Variants in VPS4A observed in about 807,000 individuals in gnomAD.
VPS4A encodes vacuolar protein sorting-associated protein 4A.
In VPS4A, 20 loss-of-function variants were observed where a neutral mutation model predicts 52.3. That is an observed-to-expected ratio of 0.38 (90% confidence interval 0.27 to 0.56). The LOEUF (loss-of-function observed/expected upper bound fraction) is 0.56. VPS4A is among the 20% of genes least tolerant of loss of function. The pLI, the probability that VPS4A is intolerant of heterozygous loss-of-function variation, is 0.72. For missense variants in VPS4A, 419 were observed against 575.9 expected, an observed-to-expected ratio of 0.73 and a Z score of 2.79; for synonymous variants, 293 against 227.7, an observed-to-expected ratio of 1.29 and a Z score of -2.58.
chr16:69,324,137 G>A (rs1965552720), intron 10 of VPS4A, 71 bp from the exon 11 acceptor site: 3 of 1,487,674 alleles, frequency 2.0e-6, no homozygotes, highest in South Asian at 1.2e-5. Context: ...AGCTGCGCCT[G>A]TTGTGTGCTG....
At chr16:69,318,242 G>C (rs1357360548) in intron 3 of VPS4A, among the ~76,000 whole-genome samples, 2 of 152,260 alleles carry the variant, frequency 1.3e-5, no homozygotes, top group Non-Finnish European at 2.9e-5. Flanking sequence ...CAGAGTGCTG[G>C]GATTACAGGG....
chr16:69,318,805 C>T lies in VPS4A; in HGVS notation c.344-18C>T, dbSNP rs757395754. On this transcript the variant is annotated intron_variant, in intron 4 of 10. Coordinates refer to ENST00000254950, the MANE Select transcript of VPS4A (RefSeq NM_013245.3). ...CCCCTTGGCCGGGCCCGGGCCCGGG[C>T]CGGCCTCCCTCTCGCAGGTGCCGTC... The T allele has an allele frequency of 1.2e-6, 2 of 1,611,616 alleles. No homozygotes were observed. Among genetic ancestry groups the T allele is most frequent in the East Asian group, 2.2e-5 (1 of 44,802 alleles).
intron 3 of VPS4A, among the ~76,000 whole-genome samples, chr16:69,316,871 G>T (rs1965443517): frequency 6.6e-6 from 1 of 152,260 alleles, no homozygotes; most frequent in African/African-American, 2.4e-5. Flanking sequence ...TGCCGAGGTG[G>T]CACAGGATGG....
intron 3 of VPS4A, among the ~76,000 whole-genome samples, chr16:69,318,372 C>T (rs1051258247): frequency 2.0e-5 from 3 of 152,226 alleles, no homozygotes; most frequent in Admixed American, 1.3e-4. Context: ...AGCACATTTC[C>T]CTTACGGCCT....
At position 69,319,409 on chromosome 16, in the gene VPS4A, G is replaced by A. The variant is rs371219309; in HGVS notation, c.486G>A (p.Gly162=). The part of the protein sequence containing the change: ...LFTGKRTPWR[G]ILLFGPPGTG... The stretch of plus-strand genomic sequence containing the variant: ...CAGGCAAGCGCACCCCCTGGCGGGG[G>A]ATTCTGCTGTTCGGACCCCCTGGCA... The change falls in exon 6 of 11, where the codon GGG becomes GGA. Residue 162 remains glycine, a synonymous_variant. Transcript: ENST00000254950. 1.5e-5 allele frequency: 24 copies of A among 1,613,866 alleles called. No individual in the cohort carries two copies. The highest frequency in any genetic ancestry group is 2.2e-5 in the East Asian group (1 of 44,904).
rs1379493017 is a variant in VPS4A at position 69,318,881 on chromosome 16, G to A, written c.402G>A (p.Gly134=). ...IRWNDVAGLE[G]AKEALKEAVI... Reference sequence around the variant, plus strand: ...GGAACGACGTGGCCGGGCTGGAGGGGGCCAAGGAGGCCCTCAAAGAAGCTG... The same window carrying A: ...GGAACGACGTGGCCGGGCTGGAGGGAGCCAAGGAGGCCCTCAAAGAAGCTG... Residue 134 remains glycine, a synonymous_variant, in exon 5 of 11, where the codon GGG becomes GGA. Coordinates refer to ENST00000254950, the MANE Select transcript of VPS4A (RefSeq NM_013245.3). 3 of 1,613,594 alleles carry A rather than the reference G, an allele frequency of 1.9e-6. No homozygotes were observed. Among genetic ancestry groups the A allele is most frequent in the Non-Finnish European group, 2.5e-6 (3 of 1,179,790 alleles).
chr16:69,316,346 C>CAAAGAGAA lies in VPS4A; in HGVS notation c.256_263dup (p.Asn88LysfsTer29). 6.2e-7 allele frequency: 1 copy of CAAAGAGAA among 1,613,798 alleles called. No homozygotes were observed. Among genetic ancestry groups the CAAAGAGAA allele is most frequent in the East Asian group, 2.2e-5 (1 of 44,884 alleles). ...AAGAGAAACACGGCAAGAAGCCAGT[C>CAAAGAGAA]AAAGAGAACCAGAGTGAGGGCAAGG... On this transcript the variant is annotated frameshift_variant, in exon 3 of 11. Coordinates refer to ENST00000254950, the MANE Select transcript of VPS4A (RefSeq NM_013245.3). LOFTEE classifies it high-confidence loss of function.
intron 6 of VPS4A, 149 bp from the exon 7 acceptor site, chr16:69,319,992 G>T: frequency 9.3e-7 from 1 of 1,080,070 alleles, no homozygotes. Context: ...AGTGTGGCCC[G>T]AGGGCTCCTC....
rs987590616 is a variant in VPS4A, at chr16:69,320,123, CCT to C, written c.621-17_621-16del. On this transcript the variant is annotated splice_polypyrimidine_tract_variant and intron_variant, in intron 6 of 10. Transcript: ENST00000254950. The surrounding 1 kb of genome is among the most constrained non-coding windows in gnomAD (Gnocchi z 4.2). Reference sequence around the variant, plus strand: ...GGACGTGAACGTCTTGTCCTCACCCCCTTTCTCACCTTCACAGGCTGGTCAAG... The same window carrying C: ...GGACGTGAACGTCTTGTCCTCACCCCTTCTCACCTTCACAGGCTGGTCAAG... 4.3e-6 allele frequency: 7 copies of C among 1,609,528 alleles called. No homozygotes were observed. Among genetic ancestry groups the C allele is most frequent in the Non-Finnish European group, 5.1e-6 (6 of 1,176,560 alleles).
rs1965497018 is a variant in VPS4A, at chr16:69,320,472, G to C, written c.769+183G>C. ...GGTGCCTGAGGCCTCTGCCTCACGG[G>C]CCACTCCACCCCTCCCATGGCAGGC... is the stretch of plus-strand genomic sequence containing the variant. On this transcript the variant is annotated intron_variant, in intron 7 of 10. Transcript: ENST00000254950. This position sits in a 1 kb window ranked among gnomAD's most constrained non-coding sequence, Gnocchi z 4.2. 1 of 895,410 alleles carries C rather than the reference G, an allele frequency of 1.1e-6. No homozygotes were observed. Among genetic ancestry groups the C allele is most frequent in the Non-Finnish European group, 1.7e-6 (1 of 598,228 alleles). 55.5% of individuals were successfully genotyped at this position (895,410 alleles called of 1,614,324 possible).
chr16:69,316,055 G>A lies in VPS4A; in HGVS notation c.69G>A (p.Lys23=), dbSNP rs748957003. Residue 23 remains lysine (K), a synonymous_variant, in exon 2 of 11, where the codon AAG becomes AAA. Transcript: ENST00000254950. ...AAGCCACAGAGGAGGACAAAGCCAAGAACTACGAGGAGGCGCTGCGGCTGT... is the reference window on the plus strand; with the variant it reads ...AAGCCACAGAGGAGGACAAAGCCAAAAACTACGAGGAGGCGCTGCGGCTGT... ...VTKATEEDKA[K]NYEEALRLYQ... 2.5e-6 allele frequency: 4 copies of A among 1,613,600 alleles called. No homozygotes were observed. The highest frequency in any genetic ancestry group is 2.2e-5 in the East Asian group (1 of 44,876).
intron 3 of VPS4A, among the ~76,000 whole-genome samples, chr16:69,316,986 G>A (rs1965445058): frequency 1.3e-5 from 2 of 152,118 alleles, no homozygotes; most frequent in Admixed American, 6.5e-5. Flanking sequence ...GGTGATCCCA[G>A]TCATATGAAC....
Position 69,320,655 on chromosome 16 carries a change from A to G in VPS4A, c.770-33A>G, listed in dbSNP as rs1965498802. On this transcript the variant is annotated intron_variant, in intron 7 of 10. Transcript: ENST00000254950. This position sits in a 1 kb window ranked among gnomAD's most constrained non-coding sequence, Gnocchi z 4.2. ...TTTCAACTGACCCGTGCAGGTGTCC[A>G]GAGTCTGAGTCTTTGTCTCCCTTTC... The G allele has an allele frequency of 3.2e-6, 5 of 1,565,880 alleles. No homozygotes were observed. The highest frequency in any genetic ancestry group is 1.2e-5 in the South Asian group (1 of 85,394).
Position 69,324,350 on chromosome 16 carries a change from T to C in VPS4A, c.*41T>C, listed in dbSNP as rs116767947. 6.1e-5 allele frequency: 97 copies of C among 1,595,688 alleles called. No individual in the cohort carries two copies. Among genetic ancestry groups the C allele is most frequent in the African/African-American group, 2.0e-4 (15 of 74,790 alleles). ...GGCAATGGTGAAGGTGGGAGGTTGATTGGGGCAAATCCAGGCACTCCCCAT... is the reference window on the plus strand; with the variant it reads ...GGCAATGGTGAAGGTGGGAGGTTGACTGGGGCAAATCCAGGCACTCCCCAT... On this transcript the variant is annotated 3_prime_UTR_variant, in exon 11 of 11. Coordinates refer to ENST00000254950, the MANE Select transcript of VPS4A (RefSeq NM_013245.3).
chr16:69,318,219 C>T (rs1022836050), intron 3 of VPS4A, among the ~76,000 whole-genome samples: 4 of 152,152 alleles, frequency 2.6e-5, no homozygotes, highest in South Asian at 2.1e-4. Flanking sequence ...GCGATCCTCC[C>T]GCCTCAGCCT....
chr16:69,318,618 G>A (rs1965468100), intron 3 of VPS4A, 32 bp from the exon 4 acceptor site: 4 of 1,586,878 alleles, frequency 2.5e-6, no homozygotes, highest in Non-Finnish European at 1.7e-6. Flanking sequence ...AGGCTGAAGG[G>A]CCAGCTTGTG....
In VPS4A at chr16:69,315,935, T is replaced by G. The variant is rs74821275; in HGVS notation, c.22-73T>G. 6,973 of 1,313,964 alleles carry G rather than the reference T, an allele frequency of 5.3e-3. 279 individuals are homozygous for G. The African/African-American group carries it at 0.087, about 16-fold the overall frequency. 81.4% of individuals were successfully genotyped at this position (1,313,964 alleles called of 1,614,324 possible). On this transcript the variant is annotated intron_variant, in intron 1 of 10. Transcript: ENST00000254950. Reference sequence around the variant, plus strand: ...CAGCGGCATCCCTCGTCACGTTTCATCCCCATGCCTGTGACCCCAGGGACT... The same window carrying G: ...CAGCGGCATCCCTCGTCACGTTTCAGCCCCATGCCTGTGACCCCAGGGACT...
At chr16:69,317,272 G>T (rs1477589278) in intron 3 of VPS4A, among the ~76,000 whole-genome samples, 1 of 152,188 alleles carries the variant, frequency 6.6e-6, no homozygotes, top group East Asian at 1.9e-4. Context: ...CTCCCCAGGA[G>T]TTCCCTTTCG....
Position 69,316,016 on chromosome 16 carries a change from T to G in VPS4A, c.30T>G (p.Ile10Met). 1.2e-6 allele frequency: 2 copies of G among 1,613,448 alleles called. No homozygotes were observed. The highest frequency in any genetic ancestry group is 1.7e-6 in the Non-Finnish European group (2 of 1,179,850). ...TTGCTTTGCCTTTCCAGAAAGCCAT[T>G]GATCTGGTGACGAAAGCCACAGAGG... The part of the protein sequence containing the change: MTTSTLQKA[I>M]DLVTKATEED... The change falls in exon 2 of 11, where the codon ATT becomes ATG. Residue 10 changes from isoleucine (I) to methionine (M), a missense_variant. Coordinates refer to ENST00000254950, the MANE Select transcript of VPS4A (RefSeq NM_013245.3).
Sources: allele counts gnomAD v4.1 joint callset (sites outside exome capture counted in the v4.1 genomes callset), GRCh38; gene constraint gnomAD v4.1.1; non-coding constraint Gnocchi (gnomAD v3.1); transcripts MANE v1.5; gene names NCBI Gene and HGNC (gene_info 2026-07-23, HGNC 2026-07-21).